The following WWOX variants were observed in gnomAD, a reference collection of about 807,000 sequenced individuals.
The protein encoded by WWOX is WW domain-containing oxidoreductase.
A neutral mutation model predicts 46.2 loss-of-function variants in WWOX; 69 were observed. The ratio of observed to expected loss-of-function variants is 1.49; its 90% CI spans 1.23 to 1.82. WWOX has a LOEUF of 1.82. WWOX is among the 40% of genes most tolerant of loss of function. The probability of loss-of-function intolerance (pLI) is 0.00; values close to 1 mark genes in which losing one functional copy is unlikely to be tolerated. For synonymous variants in WWOX, 359 were observed against 202.6 expected, an observed-to-expected ratio of 1.77 and a Z score of -6.56; for missense variants, 919 against 542.6, an observed-to-expected ratio of 1.69 and a Z score of -6.89.
At chr16:78,820,169 CATAGG>C (rs1377318460) in intron 8 of WWOX, among the ~76,000 whole-genome samples, 1 of 152,062 alleles carries the variant, frequency 6.6e-6, no homozygotes, top group Non-Finnish European at 1.5e-5. Flanking sequence ...TTGCTGGAGA[CATAGG>C]AGAAGCCCCC....
chr16:79,209,703 T>G (rs2051650131), intron 8 of WWOX, among the ~76,000 whole-genome samples: 1 of 152,192 alleles, frequency 6.6e-6, no homozygotes, highest in Non-Finnish European at 1.5e-5. Flanking sequence ...AAAATAATAC[T>G]TGGCTTGAGT....
At chr16:78,702,246 C>T (rs1013531165) in intron 8 of WWOX, among the ~76,000 whole-genome samples, 10 of 149,984 alleles carry the variant, frequency 6.7e-5, no homozygotes, top group African/African-American at 1.7e-4. Flanking sequence ...CTCCACTATA[C>T]TCCAGCCTGG....
intron 5 of WWOX, among the ~76,000 whole-genome samples, chr16:78,286,679 C>T (rs2079772197): frequency 6.6e-6 from 1 of 151,580 alleles, no homozygotes; most frequent in South Asian, 2.1e-4. Flanking sequence ...GCAGACTCTT[C>T]ATACTCAAAG....
At chr16:78,577,531 A>G (rs1227358089) in intron 8 of WWOX, among the ~76,000 whole-genome samples, 1 of 152,244 alleles carries the variant, frequency 6.6e-6, no homozygotes, top group Non-Finnish European at 1.5e-5. Flanking sequence ...TTTTGAGCCA[A>G]GCCAGCTAGA....
chr16:79,006,703 T>G (rs2047197831), intron 8 of WWOX, among the ~76,000 whole-genome samples: 1 of 152,142 alleles, frequency 6.6e-6, no homozygotes, highest in African/African-American at 2.4e-5. Flanking sequence ...CTGGGCTTTT[T>G]CTGGAGGCCC....
At chr16:79,194,953 G>T (rs547131366) in intron 8 of WWOX, among the ~76,000 whole-genome samples, 3 of 152,262 alleles carry the variant, frequency 2.0e-5, no homozygotes, top group African/African-American at 7.2e-5. Flanking sequence ...ATGAGTAGAT[G>T]CTACTGCTAA....
At chr16:78,529,139 G>C (rs536581938) in intron 8 of WWOX, among the ~76,000 whole-genome samples, 1 of 151,302 alleles carries the variant, frequency 6.6e-6, no homozygotes, top group East Asian at 2.0e-4. Flanking sequence ...ATTTTTTGTA[G>C]ATACAGGGTC....
chr16:78,863,226 A>G (rs1039117431), intron 8 of WWOX, among the ~76,000 whole-genome samples: 1 of 152,062 alleles, frequency 6.6e-6, no homozygotes, highest in Non-Finnish European at 1.5e-5. Flanking sequence ...CCAAAGTGCT[A>G]GGATTACAGG....
At chr16:78,413,538 C>T (rs549832674) in intron 6 of WWOX, among the ~76,000 whole-genome samples, 55 of 152,188 alleles carry the variant, frequency 3.6e-4, no homozygotes, top group African/African-American at 1.2e-3. Context: ...TTACAAAGTA[C>T]GTTGATCAGT....
chr16:78,968,761 G>A (rs2046413025), intron 8 of WWOX, among the ~76,000 whole-genome samples: 1 of 152,088 alleles, frequency 6.6e-6, no homozygotes, highest in South Asian at 2.1e-4. Flanking sequence ...CATTAGCATG[G>A]TGAAGATTAA....
intron 8 of WWOX, among the ~76,000 whole-genome samples, chr16:78,732,951 G>A (rs1460025516): frequency 1.3e-5 from 2 of 152,178 alleles, no homozygotes; most frequent in Non-Finnish European, 2.9e-5. Flanking sequence ...GCATTACTGA[G>A]CTCGAGTGGA....
rs540656667 is a variant in WWOX at position 78,602,237 on chromosome 16, G to C, written c.1056+169485G>C. ...CTCCTGTTCTCTTCTGGATAGATCT[G>C]GATAGATTTTTTTTAGACAGAGTCT... On this transcript the variant is annotated intron_variant, in intron 8 of 8. Coordinates refer to ENST00000566780, the MANE Select transcript of WWOX (RefSeq NM_016373.4). Among the ~76,000 whole-genome samples the C allele has an allele frequency of 1.7e-3, 253 of 152,116 alleles. 1 individual carries two copies. Among genetic ancestry groups the C allele is most frequent in the African/African-American group, 5.9e-3 (244 of 41,502 alleles).
intron 8 of WWOX, among the ~76,000 whole-genome samples, chr16:78,695,496 G>A (rs1297873728): frequency 1.3e-5 from 2 of 152,182 alleles, no homozygotes; most frequent in African/African-American, 2.4e-5. Context: ...AGGTCATGGG[G>A]GCGGTTAGCT....
Position 79,028,023 on chromosome 16 carries a change from C to T in WWOX, c.1057-183585C>T, listed in dbSNP as rs537550495. On this transcript the variant is annotated intron_variant, in intron 8 of 8. Transcript: ENST00000566780. Reference sequence around the variant, plus strand: ...CTGGAGTGCAGTGGTGCAATCTCAGCTCACTGCCAGCTCTGCCTCCTGGGT... The same window carrying T: ...CTGGAGTGCAGTGGTGCAATCTCAGTTCACTGCCAGCTCTGCCTCCTGGGT... 2.1e-4 allele frequency among the ~76,000 whole-genome samples: 32 copies of T among 151,966 alleles called. 1 individual carries two copies. In the South Asian group the frequency reaches 6.2e-3, roughly 30 times the overall value.
intron 8 of WWOX, among the ~76,000 whole-genome samples, chr16:79,172,409 T>TGTGTTTCTGCTCTGGGCTGCAAACTC (rs1228752152): frequency 6.6e-6 from 1 of 152,172 alleles, no homozygotes; most frequent in Non-Finnish European, 1.5e-5. Context: ...TTCAATGCCT[T>TGTGTTTCTGCTCTGGGCTGCAAACTC]GTGTTTCTGC....
intron 8 of WWOX, among the ~76,000 whole-genome samples, chr16:78,793,234 A>G (rs1031755980): frequency 6.6e-6 from 1 of 151,794 alleles, no homozygotes; most frequent in African/African-American, 2.4e-5. Context: ...TAATTTTTAT[A>G]TTTTTTTGTA....
At chr16:78,796,225 A>G (rs576878122) in intron 8 of WWOX, among the ~76,000 whole-genome samples, 14 of 152,326 alleles carry the variant, frequency 9.2e-5, no homozygotes, top group African/African-American at 2.2e-4. Flanking sequence ...AACAATTAGT[A>G]TAGACATTCA....
intron 8 of WWOX, among the ~76,000 whole-genome samples, chr16:78,883,236 G>A (rs1013220441): frequency 1.3e-5 from 2 of 152,152 alleles, no homozygotes; most frequent in Admixed American, 1.3e-4. Flanking sequence ...TAAGCTTTGT[G>A]AACTTCAGCA....
intron 8 of WWOX, among the ~76,000 whole-genome samples, chr16:78,793,090 T>A (rs900056510): frequency 2.0e-5 from 3 of 152,226 alleles, no homozygotes; most frequent in Non-Finnish European, 4.4e-5. Flanking sequence ...ATCTATTTTT[T>A]GAGAAAGGCT....
Sources: allele counts gnomAD v4.1 joint callset (sites outside exome capture counted in the v4.1 genomes callset), GRCh38; gene constraint gnomAD v4.1.1; transcripts MANE v1.5; gene names NCBI Gene and HGNC (gene_info 2026-07-23, HGNC 2026-07-21).